Variants in RAB4A observed in about 807,000 individuals in gnomAD.
RAB4A encodes ras-related protein Rab-4A.
A neutral mutation model predicts 34.5 loss-of-function variants in RAB4A; 20 were observed. The ratio of observed to expected loss-of-function variants is 0.58; its 90% CI spans 0.41 to 0.84. The LOEUF (loss-of-function observed/expected upper bound fraction) is 0.84. RAB4A is among the 40% of genes least tolerant of loss of function. RAB4A has a pLI of 0.00. For synonymous variants in RAB4A, 102 were observed against 100.0 expected (o/e 1.02, Z -0.12); for missense variants, 228 against 274.5 (o/e 0.83, Z 1.20).
At chr1:229,287,555 A>G (rs1461759865) in intron 2 of RAB4A, among the ~76,000 whole-genome samples, 1 of 152,214 alleles carries the variant, frequency 6.6e-6, no homozygotes, top group East Asian at 1.9e-4. Flanking sequence ...TTATGTAATC[A>G]TTCTGTCCTC....
At position 229,286,530 on chromosome 1, in the gene RAB4A, A is replaced by T; in HGVS notation, c.76A>T (p.Lys26Ter). Residue 26 changes from lysine (K) to a stop codon, truncating the protein, a stop_gained, in exon 2 of 8, where the codon AAA becomes TAA. Coordinates refer to ENST00000366690, the MANE Select transcript of RAB4A (RefSeq NM_004578.4). LOFTEE classifies it high-confidence loss of function. ...GGTTATTGGAAATGCAGGAACTGGC[A>T]AATCTTGCTTACTTCATCAGTTTAT... ...FLVIGNAGTGKSCLLHQFIEK... is the reference protein window; with the variant it reads ...FLVIGNAGTG The T allele has an allele frequency of 6.3e-7, 1 of 1,584,736 alleles. No individual in the cohort carries two copies. Among genetic ancestry groups the T allele is most frequent in the Non-Finnish European group, 8.6e-7 (1 of 1,167,004 alleles).
chr1:229,290,060 A>G (rs1007646151), intron 3 of RAB4A, among the ~76,000 whole-genome samples: 4 of 152,338 alleles, frequency 2.6e-5, no homozygotes, highest in Admixed American at 6.5e-5. Flanking sequence ...TCTTAAAGAT[A>G]GGAAGTAGAT....
At chr1:229,293,984 G>A (rs1002334467) in intron 3 of RAB4A, among the ~76,000 whole-genome samples, 2 of 152,170 alleles carry the variant, frequency 1.3e-5, no homozygotes, top group Admixed American at 1.3e-4. Context: ...ATGGCAGCAG[G>A]GACAGCAGCG....
intron 1 of RAB4A, among the ~76,000 whole-genome samples, chr1:229,271,804 T>G (rs1229553961): frequency 6.6e-6 from 1 of 152,218 alleles, no homozygotes; most frequent in African/African-American, 2.4e-5. Context: ...GTTTGACCTT[T>G]CCTGGTTTGG....
chr1:229,272,048 C>T (rs539940270), intron 1 of RAB4A, among the ~76,000 whole-genome samples: 1 of 152,224 alleles, frequency 6.6e-6, no homozygotes, highest in East Asian at 1.9e-4. Context: ...CTGCAGCACC[C>T]AGACCTGGAG....
chr1:229,277,410 G>T (rs192725178), intron 1 of RAB4A, among the ~76,000 whole-genome samples: 1 of 151,202 alleles, frequency 6.6e-6, no homozygotes, highest in East Asian at 1.9e-4. Flanking sequence ...TCTACAGGTC[G>T]TGTGCTCTTC....
At chr1:229,286,978 C>T (rs1310622193) in intron 2 of RAB4A, among the ~76,000 whole-genome samples, 1 of 152,134 alleles carries the variant, frequency 6.6e-6, no homozygotes, top group Non-Finnish European at 1.5e-5. Context: ...TTTTATAGGC[C>T]AGAAACAGAC....
chr1:229,271,555 G>C (rs999903377), intron 1 of RAB4A, among the ~76,000 whole-genome samples, 185 bp downstream of exon 1: 3 of 152,052 alleles, frequency 2.0e-5, no homozygotes, highest in Admixed American at 6.5e-5. Context: ...GGGCTCGGGT[G>C]GGGTAGCGGG....
rs1656513182 is a variant in RAB4A at position 229,272,364 on chromosome 1, A to C, written c.31+994A>C. 2.6e-5 allele frequency among the ~76,000 whole-genome samples: 4 copies of C among 152,166 alleles called. 1 individual carries two copies. Among genetic ancestry groups the C allele is most frequent in the Admixed American group, 2.6e-4 (4 of 15,272 alleles). On this transcript the variant is annotated intron_variant, in intron 1 of 7. Transcript: ENST00000366690. ...CCTGGCATGCTGCTTCCTTCTCTGC[A>C]ACAAATACTGTGGAATGGCATTAGG...
chr1:229,274,511 A>T (rs1284079272), intron 1 of RAB4A, among the ~76,000 whole-genome samples: 1 of 152,206 alleles, frequency 6.6e-6, no homozygotes, highest in African/African-American at 2.4e-5. Flanking sequence ...ACTGTACTTT[A>T]TGTAATATCG....
chr1:229,300,485 T>C (rs1657352321), intron 6 of RAB4A, among the ~76,000 whole-genome samples: 1 of 152,218 alleles, frequency 6.6e-6, no homozygotes. Context: ...AGTAGCATCT[T>C]ATGACTCATA....
At chr1:229,297,242 G>C (rs1329232421) in intron 4 of RAB4A, among the ~76,000 whole-genome samples, 1 of 152,204 alleles carries the variant, frequency 6.6e-6, no homozygotes, top group Non-Finnish European at 1.5e-5. Flanking sequence ...TTTGCCCCAT[G>C]ACTGGGCAAA....
At position 229,305,047 on chromosome 1, in the gene RAB4A, G is replaced by T. The variant is rs933431293; in HGVS notation, c.*1254G>T. 4.0e-5 allele frequency: 55 copies of T among 1,384,232 alleles called. No individual in the cohort carries two copies. The highest frequency in any genetic ancestry group is 5.1e-5 in the Non-Finnish European group (54 of 1,059,732). The allele number at this position is 1,384,232 out of a possible 1,614,324, so 85.7% of individuals were successfully genotyped here. A position where few individuals can be genotyped will look rare whatever the true frequency, so the allele number is the denominator to read the frequency against. ...ACTGTGACTTTTTAGTTGAAGACTA[G>T]TAAATTAACTTTTAGTTAGAAGATG... On this transcript the variant is annotated 3_prime_UTR_variant, in exon 8 of 8. Coordinates refer to ENST00000366690, the MANE Select transcript of RAB4A (RefSeq NM_004578.4).
In RAB4A at chr1:229,288,859, CT is replaced by C; in HGVS notation, c.227+18del. 1 of 1,369,686 alleles carries C rather than the reference CT, an allele frequency of 7.3e-7. No individual in the cohort carries two copies. The highest frequency in any genetic ancestry group is 1.0e-6 in the Non-Finnish European group (1 of 970,216). The allele number at this position is 1,369,686 out of a possible 1,614,324, so 84.8% of individuals were successfully genotyped here. On this transcript the variant is annotated intron_variant, in intron 3 of 7. Coordinates refer to ENST00000366690, the MANE Select transcript of RAB4A (RefSeq NM_004578.4). Reference sequence around the variant, plus strand: ...AACGATTCAGGTAGCTTTTCTCTAACTTAATAAAAATATTTGAAAATTTGAT... The same window carrying C: ...AACGATTCAGGTAGCTTTTCTCTAACTAATAAAAATATTTGAAAATTTGAT...
chr1:229,294,060 G>A lies in RAB4A; in HGVS notation c.228-1788G>A, dbSNP rs560937339. On this transcript the variant is annotated intron_variant, in intron 3 of 7. Coordinates refer to ENST00000366690, the MANE Select transcript of RAB4A (RefSeq NM_004578.4). Reference sequence around the variant, plus strand: ...AGGCTGGCGGAGTGAATGTGGAGGTGCACAGGAATTGAGGATGAATGTGGA... The same window carrying A: ...AGGCTGGCGGAGTGAATGTGGAGGTACACAGGAATTGAGGATGAATGTGGA... Among the ~76,000 whole-genome samples, 17 of 152,298 alleles carry A rather than the reference G, an allele frequency of 1.1e-4. No individual in the cohort carries two copies. In the East Asian group the frequency reaches 3.1e-3, roughly 28 times the overall value.
In RAB4A at chr1:229,302,282, TATATATATATATATATATATATA is replaced by T. The variant is rs1273062456; in HGVS notation, c.542-579_542-557del. On this transcript the variant is annotated intron_variant, in intron 6 of 7. Coordinates refer to ENST00000366690, the MANE Select transcript of RAB4A (RefSeq NM_004578.4). The stretch of plus-strand genomic sequence containing the variant: ...TTATATATATATATATATATATATA[TATATATATATATATATATATATA>T]TATATTTTTTTTTTTTTTTTACATG... Among the ~76,000 whole-genome samples the T allele has an allele frequency of 2.1e-3, 40 of 19,370 alleles. 1 individual carries two copies. The highest frequency in any genetic ancestry group is 8.6e-3 in the African/African-American group (33 of 3,848). The allele number at this position is 19,370 out of a possible 152,430, so 12.7% of individuals were successfully genotyped here.
At chr1:229,280,852 G>A (rs921642263) in intron 1 of RAB4A, among the ~76,000 whole-genome samples, 1 of 152,160 alleles carries the variant, frequency 6.6e-6, no homozygotes, top group Non-Finnish European at 1.5e-5. Context: ...GTCATTTTAA[G>A]AATATTATAT....
At chr1:229,291,290 C>A (rs1211959895) in intron 3 of RAB4A, among the ~76,000 whole-genome samples, 1 of 152,150 alleles carries the variant, frequency 6.6e-6, no homozygotes, top group Non-Finnish European at 1.5e-5. Context: ...AATGTACTTT[C>A]TTAGAAAGTT....
intron 6 of RAB4A, 119 bp from the exon 7 acceptor site, chr1:229,302,743 T>C (rs1571838823): frequency 4.6e-6 from 3 of 658,274 alleles, no homozygotes; most frequent in South Asian, 2.1e-5. Context: ...TTTCCCTTTA[T>C]TCAGAATGGT....
Sources: gnomAD v4.1 joint callset for allele counts (sites outside exome capture counted in the v4.1 genomes callset) on GRCh38, gnomAD v4.1.1 for gene constraint, MANE v1.5 for transcripts, NCBI Gene and HGNC (gene_info 2026-07-23, HGNC 2026-07-21) for gene names.